STYK1: variants seen among roughly 807,000 people sequenced by gnomAD.
STYK1 encodes tyrosine-protein kinase STYK1.
Under a neutral mutation model 48.1 loss-of-function variants are expected in STYK1, and 46 were observed. That is an observed-to-expected ratio of 0.96 (90% CI 0.75 to 1.22). The LOEUF (loss-of-function observed/expected upper bound fraction) is 1.22. STYK1 is among the 50% of genes most tolerant of loss of function. The pLI is 0.00. For missense variants in STYK1, 527 were observed against 521.1 expected (o/e 1.01, Z -0.11); for synonymous variants, 188 against 189.0 (o/e 0.99, Z 0.04).
At chr12:10,625,442 T>C (rs367977435) in intron 7 of STYK1, among the ~76,000 whole-genome samples, 25 of 152,154 alleles carry the variant, frequency 1.6e-4, no homozygotes, top group Non-Finnish European at 2.2e-4. Flanking sequence ...TGGTCTCGAT[T>C]TCCTGACCTT....
intron 1 of STYK1, among the ~76,000 whole-genome samples, chr12:10,643,456 G>A (rs1947566203): frequency 6.6e-6 from 1 of 152,130 alleles, no homozygotes; most frequent in African/African-American, 2.4e-5. Flanking sequence ...TAACTGAACT[G>A]TCCATTCAAG....
chr12:10,668,725 C>G (rs1029843612), intron 1 of STYK1, among the ~76,000 whole-genome samples: 5 of 151,888 alleles, frequency 3.3e-5, no homozygotes, highest in African/African-American at 7.3e-5. Flanking sequence ...TGTGCACATT[C>G]GTTCCCTTCT....
intron 5 of STYK1, 113 bp from the exon 6 acceptor site, chr12:10,629,787 G>C (rs1947402298): frequency 3.5e-6 from 4 of 1,129,126 alleles, no homozygotes. Flanking sequence ...ACATGGGAGT[G>C]AATGAAGGCA....
chr12:10,635,141 G>A (rs566600338), intron 2 of STYK1, among the ~76,000 whole-genome samples: 1 of 152,112 alleles, frequency 6.6e-6, no homozygotes, highest in East Asian at 1.9e-4. Context: ...TTTTGAAGTT[G>A]GGATCTTGCT....
intron 7 of STYK1, among the ~76,000 whole-genome samples, chr12:10,626,761 C>G (rs1374683216): frequency 1.3e-5 from 2 of 152,176 alleles, no homozygotes; most frequent in East Asian, 1.9e-4. Context: ...AATCCCAGCA[C>G]TTTGGGAGGC....
intron 1 of STYK1, among the ~76,000 whole-genome samples, chr12:10,651,369 C>T (rs1042879372): frequency 5.3e-5 from 8 of 152,158 alleles, no homozygotes; most frequent in Non-Finnish European, 1.0e-4. Flanking sequence ...ATCCAGTATA[C>T]CCACCTCTCC....
intron 1 of STYK1, chr12:10,667,490 C>T (rs563593248): frequency 3.3e-5 from 5 of 151,844 alleles, no homozygotes; most frequent in South Asian, 2.1e-4. Context: ...ATTAGCTGGA[C>T]GTGGTGGTGC....
chr12:10,667,883 C>T (rs1341024712), intron 1 of STYK1, among the ~76,000 whole-genome samples: 1 of 152,026 alleles, frequency 6.6e-6, no homozygotes, highest in Non-Finnish European at 1.5e-5. Context: ...ACTCTAACTG[C>T]CCAATTCAGC....
chr12:10,628,043 T>A (rs1375651232), intron 6 of STYK1, among the ~76,000 whole-genome samples: 1 of 152,210 alleles, frequency 6.6e-6, no homozygotes, highest in Non-Finnish European at 1.5e-5. Context: ...TGAGCACACA[T>A]GTGTTCATGA....
chr12:10,648,232 T>C (rs1947622229), intron 1 of STYK1, among the ~76,000 whole-genome samples: 1 of 152,034 alleles, frequency 6.6e-6, no homozygotes. Context: ...GTACACAAAA[T>C]AAATTTTGGG....
intron 1 of STYK1, among the ~76,000 whole-genome samples, chr12:10,666,967 A>G (rs995803224): frequency 7.2e-5 from 11 of 152,210 alleles, no homozygotes; most frequent in Admixed American, 4.6e-4. Context: ...TATAACCACA[A>G]TGCATAGTTT....
chr12:10,622,456 C>T (rs1865923108), intron 9 of STYK1, among the ~76,000 whole-genome samples, 182 bp downstream of exon 9: 1 of 152,050 alleles, frequency 6.6e-6, no homozygotes, highest in Admixed American at 6.6e-5. Flanking sequence ...GGGACTGGGG[C>T]AAGGAGAAAA....
intron 7 of STYK1, among the ~76,000 whole-genome samples, chr12:10,625,808 A>C (rs1354701284): frequency 6.6e-6 from 1 of 152,212 alleles, no homozygotes; most frequent in Admixed American, 6.5e-5. Flanking sequence ...TTTTAAACAT[A>C]AGATTTTCAC....
At chr12:10,625,198 CTTTCTTTTTTTG>C (rs1372980223) in intron 7 of STYK1, among the ~76,000 whole-genome samples, 2 of 121,278 alleles carry the variant, frequency 1.6e-5, no homozygotes, top group Non-Finnish European at 3.6e-5. Flanking sequence ...TTCCAAGTTT[CTTTCTTTTTTTG>C]TTTGTTTGTT....
At chr12:10,631,343 C>T (rs763078908) in intron 4 of STYK1, 35 bp from the exon 5 acceptor site, 2 of 1,601,432 alleles carry the variant, frequency 1.2e-6, no homozygotes, top group Non-Finnish European at 1.7e-6. Flanking sequence ...CAGTTTTTCC[C>T]CGCCCTGGGG....
At chr12:10,670,771 T>C (rs1007177987) in intron 1 of STYK1, among the ~76,000 whole-genome samples, 4 of 151,286 alleles carry the variant, frequency 2.6e-5, no homozygotes, top group African/African-American at 9.7e-5. Flanking sequence ...AATACTATGT[T>C]AATTAGCTTA....
chr12:10,670,995 A>ATT (rs763044772), intron 1 of STYK1, among the ~76,000 whole-genome samples: 6,811 of 110,390 alleles, frequency 0.062, 809 homozygotes, highest in African/African-American at 0.18. Context: ...GAATATATTG[A>ATT]TTTTTTTTTT....
rs186314233 is a variant in STYK1, at chr12:10,659,342, C to T, written c.-195+14624G>A. Among the ~76,000 whole-genome samples the T allele has an allele frequency of 4.0e-3, 615 of 152,224 alleles. 7 individuals are homozygous for T. The highest frequency in any genetic ancestry group is 3.8e-3 in the Non-Finnish European group (255 of 67,986). On this transcript the variant is annotated intron_variant, in intron 1 of 10. Transcript: ENST00000075503. ...ACTATTTGTGAGTATGCTTAACTTA[C>T]GGAATATAGTTATTTGCATAATTGC... is the stretch of plus-strand genomic sequence containing the variant.
At chr12:10,667,448 C>A (rs1249541003) in intron 1 of STYK1, 1 of 151,540 alleles carries the variant, frequency 6.6e-6, no homozygotes, top group Non-Finnish European at 1.5e-5. Context: ...TTCAGCAAGA[C>A]CCTGTCTCTT....
Sources: gnomAD v4.1 joint callset for allele counts (sites outside exome capture counted in the v4.1 genomes callset) on GRCh38, gnomAD v4.1.1 for gene constraint, MANE v1.5 for transcripts, NCBI Gene and HGNC (gene_info 2026-07-23, HGNC 2026-07-21) for gene names.